Variants in AP1S2 observed in about 807,000 individuals in gnomAD.
AP1S2 encodes adaptor related protein complex 1 subunit sigma 2.
A neutral mutation model predicts 14.3 loss-of-function variants in AP1S2; 1 was observed. The ratio of observed to expected loss-of-function variants is 0.07; its 90% CI spans 0.02 to 0.33. AP1S2 has a LOEUF of 0.33. AP1S2 is among the 10% of genes least tolerant of loss of function. The pLI is 0.99. For synonymous variants in AP1S2, 30 were observed against 40.5 expected, an observed-to-expected ratio of 0.74 and a Z score of 0.99; for missense variants, 30 against 117.7, an observed-to-expected ratio of 0.25 and a Z score of 3.45.
intron 1 of AP1S2, 86 bp downstream of exon 1, chrX:15,854,602 C>A: frequency 7.4e-6 from 3 of 407,745 alleles, no homozygotes; most frequent in African/African-American, 2.7e-5. Flanking sequence ...GTCGTCGGGG[C>A]GCGCGCGGGG....
intron 4 of AP1S2, among the ~76,000 whole-genome samples, chrX:15,829,569 T>C (rs1363319799): frequency 8.9e-6 from 1 of 111,966 alleles, no homozygotes; most frequent in Admixed American, 9.6e-5. Flanking sequence ...ATTGAAAATA[T>C]GTGTCCTTTC....
At chrX:15,827,540 A>T (rs904480685) in intron 5 of AP1S2, among the ~76,000 whole-genome samples, 168 bp from the exon 6 acceptor site, 2 of 111,802 alleles carry the variant, frequency 1.8e-5, no homozygotes, top group Non-Finnish European at 3.8e-5. Context: ...TGTGCCCTCA[A>T]AATTGGAGAC....
intron 4 of AP1S2, chrX:15,832,934 G>T (rs1261622556): frequency 2.7e-6 from 3 of 1,090,988 alleles, no homozygotes; most frequent in African/African-American, 1.9e-5. Context: ...ATGCATGTCA[G>T]TACTCCAGCA....
chrX:15,833,350 T>C, intron 4 of AP1S2: 1 of 851,902 alleles, frequency 1.2e-6, no homozygotes. Flanking sequence ...CTGACACACC[T>C]TTTACTGCTT....
chrX:15,851,530 G>T (rs1222257477), intron 2 of AP1S2, among the ~76,000 whole-genome samples: 1 of 112,034 alleles, frequency 8.9e-6, no homozygotes, highest in Admixed American at 9.5e-5. Context: ...GAAACAAATG[G>T]GGAATGAAGT....
intron 1 of AP1S2, 39 bp from the exon 2 acceptor site, chrX:15,852,563 T>G (rs1020535046): frequency 3.5e-6 from 4 of 1,134,442 alleles, no homozygotes; most frequent in Non-Finnish European, 4.8e-6. Flanking sequence ...ATGTAATACT[T>G]TGAATCAATA....
At chrX:15,844,527 T>A (rs1426077965) in intron 4 of AP1S2, among the ~76,000 whole-genome samples, 1 of 112,868 alleles carries the variant, frequency 8.9e-6, no homozygotes, top group Non-Finnish European at 1.9e-5. Context: ...TTTTCAATAT[T>A]TACTAATCAC....
At chrX:15,840,400 G>T in intron 4 of AP1S2, 1 of 394,507 alleles carries the variant, frequency 2.5e-6, no homozygotes, top group Non-Finnish European at 3.8e-6. Context: ...TGATCTTCAC[G>T]GATCAAGCAA....
intron 4 of AP1S2, among the ~76,000 whole-genome samples, chrX:15,842,757 G>A (rs1210512665): frequency 4.5e-5 from 5 of 112,191 alleles, no homozygotes; most frequent in East Asian, 5.5e-4. Context: ...GGCTGGATGC[G>A]GTGGCTTACG....
chrX:15,854,171 G>A (rs1363973060), intron 1 of AP1S2, among the ~76,000 whole-genome samples: 4 of 112,661 alleles, frequency 3.6e-5, no homozygotes, highest in Non-Finnish European at 5.6e-5. Context: ...AAATCACAGG[G>A]CACCACAATT....
At chrX:15,828,145 A>G in intron 5 of AP1S2, 47 bp downstream of exon 5, 1 of 1,005,309 alleles carries the variant, frequency 9.9e-7, no homozygotes, top group Non-Finnish European at 1.3e-6. Flanking sequence ...ACTATATTTT[A>G]ATGATGGAAA....
intron 2 of AP1S2, among the ~76,000 whole-genome samples, chrX:15,849,813 T>G (rs1220000263): frequency 9.0e-6 from 1 of 110,804 alleles, no homozygotes; most frequent in Non-Finnish European, 1.9e-5. Flanking sequence ...ACCTTCTTTT[T>G]TAAAAACCTT....
chrX:15,843,144 T>C (rs1933891750), intron 4 of AP1S2, among the ~76,000 whole-genome samples: 2 of 112,233 alleles, frequency 1.8e-5, no homozygotes, highest in Admixed American at 1.9e-4. Flanking sequence ...CAAATAAATG[T>C]GGATCTGCAA....
chrX:15,845,805 G>C, intron 3 of AP1S2, 98 bp downstream of exon 3: 1 of 782,623 alleles, frequency 1.3e-6, no homozygotes, highest in Admixed American at 2.3e-5. Context: ...CCTCTCCCGC[G>C]GTTAGAATCC....
rs1933261718 is a variant in AP1S2, at chrX:15,826,438, T to G, written c.*887A>C. ...GAGGGAAGCAAAATAAATTTAGCTT[T>G]AACAAGTACCCCAGAGGGAACATTC... On this transcript the variant is annotated 3_prime_UTR_variant, in exon 6 of 6. Transcript: ENST00000672987. The G allele has an allele frequency of 8.9e-6, 1 of 112,179 alleles. No homozygotes were observed. Among genetic ancestry groups the G allele is most frequent in the Admixed American group, 9.5e-5 (1 of 10,580 alleles). 9.2% of individuals were successfully genotyped at this position (112,179 alleles called of 1,213,427 possible).
chrX:15,833,700 C>T (rs1039861602), intron 4 of AP1S2, among the ~76,000 whole-genome samples: 2 of 111,594 alleles, frequency 1.8e-5, no homozygotes, highest in African/African-American at 6.5e-5. Flanking sequence ...CATAATTAAC[C>T]AAAATATTTT....
rs746801765 is a variant in AP1S2 at position 15,845,525 on chromosome X, GAA to G, written c.289-11_289-10del. 1 of 1,087,631 alleles carries G rather than the reference GAA, an allele frequency of 9.2e-7. No homozygotes were observed. The highest frequency in any genetic ancestry group is 1.2e-6 in the Non-Finnish European group (1 of 816,931). 89.6% of individuals were successfully genotyped at this position (1,087,631 alleles called of 1,213,427 possible). A position where few individuals can be genotyped will look rare whatever the true frequency, so the allele number is the denominator to read the frequency against. On this transcript the variant is annotated splice_polypyrimidine_tract_variant and intron_variant, in intron 3 of 5. Coordinates refer to ENST00000672987, the MANE Select transcript of AP1S2 (RefSeq NM_001272071.2). ...ATATCTAGTTCACAGACCTGAAAAG[GAA>G]AAAAAAAAGAAAAAAGAAAAGAAAA...
intron 3 of AP1S2, 146 bp downstream of exon 3, chrX:15,845,756 AC>A (rs1181045474): frequency 7.9e-6 from 5 of 629,484 alleles, no homozygotes; most frequent in Non-Finnish European, 1.0e-5. Context: ...CCCAATATGG[AC>A]AACTTAATAA....
chrX:15,825,940 A>T lies in AP1S2; in HGVS notation c.*1385T>A, dbSNP rs1933246225. On this transcript the variant is annotated 3_prime_UTR_variant, in exon 6 of 6. Transcript: ENST00000672987. ...TCCACCATGTATCTTGTGTGTGCTT[A>T]TAACAACCACCATATTCAAATGGAG... is the stretch of plus-strand genomic sequence containing the variant. 8.8e-6 allele frequency: 1 copy of T among 113,837 alleles called. No individual in the cohort carries two copies. The highest frequency in any genetic ancestry group is 1.8e-5 in the Non-Finnish European group (1 of 54,276). 9.4% of individuals were successfully genotyped at this position (113,837 alleles called of 1,213,427 possible). A position where few individuals can be genotyped will look rare whatever the true frequency, so the allele number is the denominator to read the frequency against.
Sources: gnomAD v4.1 joint callset for allele counts (sites outside exome capture counted in the v4.1 genomes callset) on GRCh38, gnomAD v4.1.1 for gene constraint, MANE v1.5 for transcripts, NCBI Gene and HGNC (gene_info 2026-07-23, HGNC 2026-07-21) for gene names.